Variants in NPHS2 observed in about 807,000 individuals in gnomAD.
NPHS2 encodes the protein podocin.
Under a neutral mutation model 37.1 loss-of-function variants are expected in NPHS2, and 36 were observed. The ratio of observed to expected loss-of-function variants is 0.97; its 90% CI spans 0.74 to 1.28. The LOEUF is 1.28. NPHS2 is among the 50% of genes most tolerant of loss of function. The pLI is 0.00. For missense variants in NPHS2, 447 were observed against 488.1 expected (o/e 0.92, Z 0.79); for synonymous variants, 196 against 189.3 (o/e 1.04, Z -0.29).
At chr1:179,567,858 T>C (rs1450604227) in intron 1 of NPHS2, among the ~76,000 whole-genome samples, 1 of 152,244 alleles carries the variant, frequency 6.6e-6, no homozygotes, top group African/African-American at 2.4e-5. Flanking sequence ...GTTTATGTGA[T>C]GGGTTACATT....
intron 7 of NPHS2, chr1:179,551,702 G>A: frequency 2.0e-6 from 1 of 505,988 alleles, no homozygotes; most frequent in East Asian, 3.4e-5. Flanking sequence ...GGAGTTATTA[G>A]CATCTGGTGG....
intron 5 of NPHS2, among the ~76,000 whole-genome samples, chr1:179,555,147 T>C (rs1673853163): frequency 6.6e-6 from 1 of 152,238 alleles, no homozygotes; most frequent in African/African-American, 2.4e-5. Flanking sequence ...TTTTGGACTC[T>C]GTGGTCTTCG....
chr1:179,560,729 A>G (rs999663974), intron 3 of NPHS2, among the ~76,000 whole-genome samples: 3 of 152,174 alleles, frequency 2.0e-5, no homozygotes, highest in East Asian at 1.9e-4. Context: ...CCATACTTCT[A>G]TCTGTCTCCC....
At chr1:179,562,356 A>G (rs1428422188) in intron 2 of NPHS2, among the ~76,000 whole-genome samples, 1 of 152,210 alleles carries the variant, frequency 6.6e-6, no homozygotes, top group African/African-American at 2.4e-5. Context: ...ATGTTAAGAT[A>G]TGCCCCACCA....
chr1:179,575,796 C>G lies in NPHS2; in HGVS notation c.69G>C (p.Glu23Asp). The G allele has an allele frequency of 6.7e-7, 1 of 1,492,250 alleles. No individual in the cohort carries two copies. Among genetic ancestry groups the G allele is most frequent in the Non-Finnish European group, 8.9e-7 (1 of 1,126,320 alleles). 92.4% of individuals were successfully genotyped at this position (1,492,250 alleles called of 1,614,324 possible). The change falls in exon 1 of 8, where the codon GAG becomes GAC. Residue 23 changes from glutamate (E) to aspartate (D), a missense_variant. By Grantham distance (45) the Glu-to-Asp change is conservative. Coordinates refer to ENST00000367615, the MANE Select transcript of NPHS2 (RefSeq NM_014625.4). ...RGRGGRTPHKENKRAKAERSG... is the reference protein window; with the variant it reads ...RGRGGRTPHKDNKRAKAERSG... ...TCCTCTCGGCCTTTGCCCTCTTGTT[C>G]TCCTTGTGCGGAGTCCTGCCGCCTC...
rs191058143 is a variant in NPHS2, at chr1:179,557,906, A to G, written c.535-676T>C. The stretch of plus-strand genomic sequence containing the variant: ...TGGGTTAAGAAAGACACATTACAAA[A>G]CAGTATATATGGTATGATATATGTG... On this transcript the variant is annotated intron_variant, in intron 4 of 7. Coordinates refer to ENST00000367615, the MANE Select transcript of NPHS2 (RefSeq NM_014625.4). 4.3e-3 allele frequency among the ~76,000 whole-genome samples: 650 copies of G among 152,306 alleles called. 4 individuals carry two copies. Among genetic ancestry groups the G allele is most frequent in the Non-Finnish European group, 5.7e-3 (391 of 68,024 alleles).
At chr1:179,560,192 C>G (rs1674082565) in intron 3 of NPHS2, among the ~76,000 whole-genome samples, 1 of 152,158 alleles carries the variant, frequency 6.6e-6, no homozygotes, top group African/African-American at 2.4e-5. Flanking sequence ...CAGCAACCTC[C>G]ATGTCATATT....
chr1:179,564,672 G>T lies in NPHS2; in HGVS notation c.378+18C>A. The T allele has an allele frequency of 3.7e-6, 6 of 1,600,438 alleles. No homozygotes were observed. Among genetic ancestry groups the T allele is most frequent in the Non-Finnish European group, 5.1e-6 (6 of 1,167,546 alleles). On this transcript the variant is annotated intron_variant, in intron 2 of 7. Coordinates refer to ENST00000367615, the MANE Select transcript of NPHS2 (RefSeq NM_014625.4). ...GAGGCCTCAGGAAATTACCTATTGGGTCCTTATGGAATCTCACCTTTACGC... is the reference window on the plus strand; with the variant it reads ...GAGGCCTCAGGAAATTACCTATTGGTTCCTTATGGAATCTCACCTTTACGC...
chr1:179,575,550 A>G lies in NPHS2; in HGVS notation c.274+41T>C. On this transcript the variant is annotated intron_variant, in intron 1 of 7. Transcript: ENST00000367615. ...CCACCTTATCTGACGCCCCTTAGTT[A>G]CCACCTGGAAAAGTAGCAGATAGTG... 4 of 1,598,834 alleles carry G rather than the reference A, an allele frequency of 2.5e-6. No individual in the cohort carries two copies. The African/African-American group carries it at 4.0e-5, about 16-fold the overall frequency.
rs141837383 is a variant in NPHS2, at chr1:179,560,802, C to T, written c.451+487G>A. The stretch of plus-strand genomic sequence containing the variant: ...ATCTTAAGGTCCTGAGATCAGAGAC[C>T]ATGTCTTATGGTTAGCACAGAGTCT... On this transcript the variant is annotated intron_variant, in intron 3 of 7. Transcript: ENST00000367615. Among the ~76,000 whole-genome samples, 10 of 152,150 alleles carry T rather than the reference C, an allele frequency of 6.6e-5. No individual in the cohort carries two copies. The East Asian group carries it at 1.9e-3, about 29-fold the overall frequency.
chr1:179,553,826 G>T (rs1202413362), intron 6 of NPHS2, among the ~76,000 whole-genome samples: 1 of 151,950 alleles, frequency 6.6e-6, no homozygotes, highest in Non-Finnish European at 1.5e-5. Context: ...ACTCACTGCA[G>T]CCTCCGCCTC....
At chr1:179,558,477 C>T (rs1381934141) in intron 4 of NPHS2, among the ~76,000 whole-genome samples, 1 of 152,114 alleles carries the variant, frequency 6.6e-6, no homozygotes, top group African/African-American at 2.4e-5. Context: ...TTTATCTCTT[C>T]AGTCATCAGT....
intron 5 of NPHS2, chr1:179,554,812 A>G: frequency 2.0e-6 from 1 of 500,344 alleles, no homozygotes; most frequent in South Asian, 2.7e-5. Context: ...ATGTTACCCC[A>G]AGAGGGATTT....
chr1:179,562,018 G>C (rs1397663292), intron 2 of NPHS2, among the ~76,000 whole-genome samples: 1 of 152,146 alleles, frequency 6.6e-6, no homozygotes, highest in Non-Finnish European at 1.5e-5. Context: ...TATTCGTCAG[G>C]CTGGTCTCGA....
At chr1:179,571,564 C>T (rs1198495743) in intron 1 of NPHS2, among the ~76,000 whole-genome samples, 1 of 152,236 alleles carries the variant, frequency 6.6e-6, no homozygotes, top group African/African-American at 2.4e-5. Flanking sequence ...ATTCTCAGAG[C>T]TCAAACGCTG....
intron 1 of NPHS2, among the ~76,000 whole-genome samples, chr1:179,565,591 C>A (rs916313108): frequency 2.6e-5 from 4 of 152,122 alleles, no homozygotes; most frequent in African/African-American, 7.2e-5. Context: ...TGTTTTTATA[C>A]TTTAAGTTCT....
chr1:179,558,397 T>C (rs61826369), intron 4 of NPHS2, among the ~76,000 whole-genome samples: 30,762 of 152,100 alleles, frequency 0.2, 3,788 homozygotes, highest in Non-Finnish European at 0.27. Context: ...ATCTATCTTG[T>C]AGAATGTCAG....
In NPHS2 at chr1:179,556,999, A is replaced by C; in HGVS notation, c.738+28T>G. On this transcript the variant is annotated intron_variant, in intron 5 of 7. Transcript: ENST00000367615. The surrounding 1 kb of genome is among the most constrained non-coding windows in gnomAD (Gnocchi z 4.1). ...ATGAATAAAAGATAAATATTTCAGC[A>C]TATTGGCCATTATGTTTATCTAAGT... The C allele has an allele frequency of 6.5e-7, 1 of 1,533,892 alleles. No homozygotes were observed. Among genetic ancestry groups the C allele is most frequent in the Non-Finnish European group, 9.0e-7 (1 of 1,110,752 alleles).
At chr1:179,563,593 A>G (rs1042709383) in intron 2 of NPHS2, among the ~76,000 whole-genome samples, 6 of 152,222 alleles carry the variant, frequency 3.9e-5, no homozygotes, top group Non-Finnish European at 7.3e-5. Context: ...AACAAACTTA[A>G]AAGGATTGAA....
Sources: allele counts gnomAD v4.1 joint callset (sites outside exome capture counted in the v4.1 genomes callset), GRCh38; gene constraint gnomAD v4.1.1; non-coding constraint Gnocchi (gnomAD v3.1); transcripts MANE v1.5; gene names NCBI Gene and HGNC (gene_info 2026-07-23, HGNC 2026-07-21).